Variants in AP2A2 observed in about 807,000 individuals in gnomAD.
AP2A2 encodes the protein AP-2 complex subunit alpha-2.
A neutral mutation model predicts 104.2 loss-of-function variants in AP2A2; 32 were observed. The ratio of observed to expected loss-of-function variants is 0.31; its 90% CI spans 0.23 to 0.41. The LOEUF is 0.41. Ranked by LOEUF, AP2A2 falls within the 10% of genes least tolerant of loss-of-function variation. The pLI is 1.00. For missense variants in AP2A2, 912 were observed against 1,261.0 expected (o/e 0.72, Z 4.19); for synonymous variants, 539 against 533.3 (o/e 1.01, Z -0.15).
At chr11:948,338 A>G (rs956867330) in intron 1 of AP2A2, 1 of 152,256 alleles carries the variant, frequency 6.6e-6, no homozygotes, top group South Asian at 2.1e-4. Flanking sequence ...GTAACAAAAT[A>G]TTAGATAACT....
Position 1,001,748 on chromosome 11 carries a change from C to T in AP2A2, c.2123+1150C>T, listed in dbSNP as rs535079813. On this transcript the variant is annotated intron_variant, in intron 15 of 21. Transcript: ENST00000448903. Reference sequence around the variant, plus strand: ...GGAAGGGACCAGGGGCTGGGCAGTCCGTGGCAGCCGTGGCCCTTCCCTGCT... The same window carrying T: ...GGAAGGGACCAGGGGCTGGGCAGTCTGTGGCAGCCGTGGCCCTTCCCTGCT... 3.9e-5 allele frequency among the ~76,000 whole-genome samples: 6 copies of T among 152,244 alleles called. No individual in the cohort carries two copies. The South Asian group carries it at 6.2e-4, about 16-fold the overall frequency.
intron 1 of AP2A2, chr11:932,765 G>A (rs1853331925): frequency 2.2e-6 from 1 of 456,070 alleles, no homozygotes; most frequent in Admixed American, 2.4e-5. Context: ...TTTTCCGTCT[G>A]GCTCCTCTGA....
chr11:987,885 C>T lies in AP2A2; in HGVS notation c.1132-667C>T, dbSNP rs574081059. Among the ~76,000 whole-genome samples the T allele has an allele frequency of 1.6e-4, 25 of 152,358 alleles. 1 individual carries two copies. In the South Asian group the frequency reaches 4.8e-3, roughly 29 times the overall value. ...TGTGGCAGGGCTGCTCCCAGTCCCC[C>T]GCACGTCTGCGTGCAGCTCACAGAT... On this transcript the variant is annotated intron_variant, in intron 9 of 21. Coordinates refer to ENST00000448903, the MANE Select transcript of AP2A2 (RefSeq NM_012305.4).
Position 994,056 on chromosome 11 carries a change from C to A in AP2A2, c.1783-16C>A. 1 of 1,612,164 alleles carries A rather than the reference C, an allele frequency of 6.2e-7. No homozygotes were observed. The highest frequency in any genetic ancestry group is 8.5e-7 in the Non-Finnish European group (1 of 1,179,452). On this transcript the variant is annotated splice_polypyrimidine_tract_variant and intron_variant, in intron 13 of 21. Coordinates refer to ENST00000448903, the MANE Select transcript of AP2A2 (RefSeq NM_012305.4). ...GCCAGGAGCTCTGACCAGTCCCACC[C>A]TGTGTTCTTTCCAAGGCGACCGTGC...
chr11:939,398 T>C (rs960284203), intron 1 of AP2A2, among the ~76,000 whole-genome samples: 19 of 152,316 alleles, frequency 1.2e-4, no homozygotes, highest in Admixed American at 3.9e-4. Context: ...TAAGTCTAAA[T>C]TGTGTGTTCC....
chr11:991,332 G>T (rs1012108206), intron 10 of AP2A2, among the ~76,000 whole-genome samples: 2 of 152,344 alleles, frequency 1.3e-5, no homozygotes, highest in South Asian at 4.1e-4. Context: ...CTGTGCTGTG[G>T]GTGGGATGGC....
intron 1 of AP2A2, among the ~76,000 whole-genome samples, chr11:927,234 G>A (rs934413286): frequency 2.5e-5 from 3 of 118,494 alleles, no homozygotes; most frequent in African/African-American, 2.9e-5. Flanking sequence ...GCTGATTTTC[G>A]TGTTTTTTGT....
chr11:928,683 A>G (rs969737397), intron 1 of AP2A2, among the ~76,000 whole-genome samples: 1 of 152,276 alleles, frequency 6.6e-6, no homozygotes, highest in Non-Finnish European at 1.5e-5. Flanking sequence ...GAGAACCACT[A>G]GTGTATCCCA....
intron 6 of AP2A2, among the ~76,000 whole-genome samples, chr11:983,667 G>A (rs1247044082): frequency 1.3e-5 from 2 of 152,212 alleles, no homozygotes; most frequent in African/African-American, 2.4e-5. Context: ...ACAGGCGGGA[G>A]CCACCGCACC....
Position 965,385 on chromosome 11 carries a change from A to G in AP2A2, c.137-4784A>G, listed in dbSNP as rs1854579135. 3.3e-5 allele frequency among the ~76,000 whole-genome samples: 5 copies of G among 152,322 alleles called. No homozygotes were observed. The South Asian group carries it at 1.0e-3, about 32-fold the overall frequency. On this transcript the variant is annotated intron_variant, in intron 2 of 21. Coordinates refer to ENST00000448903, the MANE Select transcript of AP2A2 (RefSeq NM_012305.4). ...GTGGAGTTTCTTCAGTAGTGCAGTG[A>G]ACTTCAGAGAGTTGAAACCGTATTT...
rs900226446 is a variant in AP2A2, at chr11:992,540, T to C, written c.1307T>C (p.Val436Ala). ...KVAILAEKYAVDYTWYVDTIL... is the reference protein window; with the variant it reads ...KVAILAEKYAADYTWYVDTIL... ...GCCATCCTGGCTGAGAAGTACGCGG[T>C]GGACTACACCTGGTATGTGGATACC... Residue 436 changes from valine to alanine, a missense_variant, in exon 11 of 22, where the codon GTG becomes GCG. Transcript: ENST00000448903. This position sits in a 1 kb window ranked among gnomAD's most constrained non-coding sequence, Gnocchi z 6.4. 5 of 1,610,720 alleles carry C rather than the reference T, an allele frequency of 3.1e-6. No homozygotes were observed. The highest frequency in any genetic ancestry group is 2.2e-5 in the East Asian group (1 of 44,774).
intron 4 of AP2A2, among the ~76,000 whole-genome samples, chr11:976,210 G>C (rs1855031366): frequency 6.6e-6 from 1 of 152,220 alleles, no homozygotes. Flanking sequence ...GGGTGGGCCG[G>C]AAGAGGGACA....
In AP2A2 at chr11:1,009,199, T is replaced by A. The variant is rs1287762637; in HGVS notation, c.2520T>A (p.Arg840=). ...TEMASQDFFQ[R]WKQLSNPQQE... is the part of the protein sequence containing the mutation. ...TGGCTTCTCAGGATTTCTTTCAACG[T>A]TGGAAGCAGTTGAGCAAGTGAGAAA... is the stretch of plus-strand genomic sequence containing the variant. Residue 840 remains arginine, a synonymous_variant, in exon 19 of 22, where the codon CGT becomes CGA. Coordinates refer to ENST00000448903, the MANE Select transcript of AP2A2 (RefSeq NM_012305.4). 1.2e-6 allele frequency: 2 copies of A among 1,613,596 alleles called. No individual in the cohort carries two copies. The highest frequency in any genetic ancestry group is 2.7e-5 in the African/African-American group (2 of 74,930).
intron 2 of AP2A2, among the ~76,000 whole-genome samples, chr11:964,182 C>G (rs1386484930): frequency 1.3e-5 from 2 of 152,128 alleles, no homozygotes; most frequent in Non-Finnish European, 2.9e-5. Context: ...CGCTGGGTGT[C>G]TTGACATGGG....
At chr11:926,530 C>T (rs1224847128) in intron 1 of AP2A2, among the ~76,000 whole-genome samples, 1 of 152,168 alleles carries the variant, frequency 6.6e-6, no homozygotes, top group Non-Finnish European at 1.5e-5. Flanking sequence ...CCCTCCCCAG[C>T]ATGATGTCAC....
rs200134001 is a variant in AP2A2 at position 994,065 on chromosome 11, T to C, written c.1783-7T>C. 699 of 1,612,498 alleles carry C rather than the reference T, an allele frequency of 4.3e-4. No homozygotes were observed. Among genetic ancestry groups the C allele is most frequent in the Non-Finnish European group, 5.5e-4 (652 of 1,179,610 alleles). ...TCTGACCAGTCCCACCCTGTGTTCT[T>C]TCCAAGGCGACCGTGCTGGAGGAGA... On this transcript the variant is annotated splice_region_variant and splice_polypyrimidine_tract_variant and intron_variant, in intron 13 of 21. Transcript: ENST00000448903.
intron 14 of AP2A2, among the ~76,000 whole-genome samples, chr11:999,803 C>CTTTTTTT (rs71022992): frequency 8.0e-6 from 1 of 124,696 alleles, no homozygotes; most frequent in Non-Finnish European, 1.7e-5. Context: ...TTAGTTCTTT[C>CTTTTTTT]TTTTTTTTTT....
intron 15 of AP2A2, 115 bp downstream of exon 15, chr11:1,000,713 A>C: frequency 8.6e-7 from 1 of 1,159,482 alleles, no homozygotes; most frequent in Non-Finnish European, 1.2e-6. Flanking sequence ...CTCCCAGATT[A>C]CTGCCTGGGG....
intron 2 of AP2A2, among the ~76,000 whole-genome samples, chr11:962,348 A>G (rs1335805970): frequency 1.3e-5 from 2 of 152,274 alleles, no homozygotes; most frequent in African/African-American, 2.4e-5. Context: ...AATGGTGAAG[A>G]TGAAATTCGA....
Sources: allele counts gnomAD v4.1 joint callset (sites outside exome capture counted in the v4.1 genomes callset), GRCh38; gene constraint gnomAD v4.1.1; non-coding constraint Gnocchi (gnomAD v3.1); transcripts MANE v1.5; gene names NCBI Gene and HGNC (gene_info 2026-07-23, HGNC 2026-07-21).